GFRA1: variants seen among roughly 807,000 people sequenced by gnomAD.
The protein encoded by GFRA1 is GDNF family receptor alpha 1, also known as GDNF family receptor alpha-1.
GFRA1 carries 16 observed loss-of-function variants against 51.6 expected under a neutral mutation model. The ratio of observed to expected loss-of-function variants is 0.31; its 90% CI spans 0.21 to 0.47. GFRA1 has a LOEUF of 0.47. Among genes scored for constraint, GFRA1 ranks in the 20% least tolerant of loss-of-function variants. The pLI, the probability that GFRA1 is intolerant of heterozygous loss-of-function variation, is 1.00. For synonymous variants in GFRA1, 270 were observed against 241.3 expected (o/e 1.12, Z -1.10); for missense variants, 530 against 594.3 (o/e 0.89, Z 1.13).
chr10:116,081,483 A>G (rs1032635261), intron 9 of GFRA1, among the ~76,000 whole-genome samples: 4 of 152,226 alleles, frequency 2.6e-5, no homozygotes, highest in African/African-American at 9.6e-5. Context: ...TGGTTTCGGT[A>G]ATACAGTGTA....
chr10:116,115,920 AGAG>A (rs1957394655), intron 6 of GFRA1, among the ~76,000 whole-genome samples: 2 of 152,142 alleles, frequency 1.3e-5, no homozygotes, highest in South Asian at 2.1e-4. Context: ...ACAGAGCAGT[AGAG>A]GAGATCAGCT....
chr10:116,126,206 G>C (rs1957866948), intron 5 of GFRA1, among the ~76,000 whole-genome samples: 1 of 152,222 alleles, frequency 6.6e-6, no homozygotes, highest in Non-Finnish European at 1.5e-5. Flanking sequence ...ACTCACCACA[G>C]ACAACACGTG....
chr10:116,114,222 C>G (rs1957323941), intron 6 of GFRA1, among the ~76,000 whole-genome samples: 1 of 152,208 alleles, frequency 6.6e-6, no homozygotes, highest in Non-Finnish European at 1.5e-5. Context: ...GGCCAAGAGG[C>G]TGCCAGAGGG....
chr10:116,187,191 T>C (rs181679261), intron 5 of GFRA1, among the ~76,000 whole-genome samples: 3 of 152,292 alleles, frequency 2.0e-5, no homozygotes, highest in Admixed American at 2.0e-4. Flanking sequence ...CACCAAGTAG[T>C]CTAGAAAAAG....
intron 8 of GFRA1, among the ~76,000 whole-genome samples, chr10:116,092,997 C>G (rs1956416681): frequency 6.6e-6 from 1 of 152,210 alleles, no homozygotes. Flanking sequence ...CCATTTCTCT[C>G]TATCCCTGTC....
chr10:116,138,009 G>A (rs1180683379), intron 5 of GFRA1, among the ~76,000 whole-genome samples: 4 of 152,008 alleles, frequency 2.6e-5, no homozygotes, highest in Non-Finnish European at 5.9e-5. Flanking sequence ...CTCCACGTTG[G>A]TCAGGCTGGT....
Position 116,063,365 on chromosome 10 carries a change from C to T in GFRA1, c.*1033G>A, listed in dbSNP as rs917460554. On this transcript the variant is annotated 3_prime_UTR_variant, in exon 11 of 11. Transcript: ENST00000355422. ...CAGTCACATGATGCAGAACTTTCTG[C>T]TACAGCACGAGGCTTCTCAGAGTCT... 6.6e-6 allele frequency: 1 copy of T among 152,220 alleles called. No homozygotes were observed. Among genetic ancestry groups the T allele is most frequent in the Non-Finnish European group, 1.5e-5 (1 of 68,048 alleles). 9.4% of individuals were successfully genotyped at this position (152,220 alleles called of 1,614,324 possible).
chr10:116,061,647 C>T lies in GFRA1; in HGVS notation c.*2751G>A, dbSNP rs1954823816. Reference sequence around the variant, plus strand: ...TACTGTTTGGTTTCATCAAAATCAACTGCAATGAGATACTTCCTGCAAGAC... The same window carrying T: ...TACTGTTTGGTTTCATCAAAATCAATTGCAATGAGATACTTCCTGCAAGAC... On this transcript the variant is annotated 3_prime_UTR_variant, in exon 11 of 11. Transcript: ENST00000355422. 5.0e-6 allele frequency: 1 copy of T among 201,350 alleles called. No individual in the cohort carries two copies. Among genetic ancestry groups the T allele is most frequent in the African/African-American group, 2.3e-5 (1 of 43,674 alleles). 12.5% of individuals were successfully genotyped at this position (201,350 alleles called of 1,614,324 possible).
chr10:116,258,311 CTTCTT>C (rs1248193793), intron 4 of GFRA1, among the ~76,000 whole-genome samples: 1 of 149,134 alleles, frequency 6.7e-6, no homozygotes, highest in African/African-American at 2.5e-5. Flanking sequence ...AAACTTACCT[CTTCTT>C]CTCTTCATTC....
At chr10:116,071,592 G>C (rs138328046) in intron 9 of GFRA1, among the ~76,000 whole-genome samples, 15 of 152,286 alleles carry the variant, frequency 9.8e-5, no homozygotes, top group African/African-American at 3.1e-4. Context: ...TGACAGACAG[G>C]CTCCAGCAGT....
intron 4 of GFRA1, among the ~76,000 whole-genome samples, chr10:116,214,945 G>A (rs1965456891): frequency 6.6e-6 from 1 of 152,146 alleles, no homozygotes; most frequent in Non-Finnish European, 1.5e-5. Context: ...ACTCACAGTA[G>A]CTATTTTAGA....
Position 116,061,882 on chromosome 10 carries a change from C to T in GFRA1, c.*2516G>A. ...CTAAGATCACACTGAATGGCGGAAACCTTGCTTGGCTTGCTTTGATAAGAA... is the reference window on the plus strand; with the variant it reads ...CTAAGATCACACTGAATGGCGGAAATCTTGCTTGGCTTGCTTTGATAAGAA... On this transcript the variant is annotated 3_prime_UTR_variant, in exon 11 of 11. Transcript: ENST00000355422. The T allele has an allele frequency of 2.5e-6, 1 of 397,626 alleles. No homozygotes were observed. The highest frequency in any genetic ancestry group is 4.4e-6 in the Non-Finnish European group (1 of 225,798). 24.6% of individuals were successfully genotyped at this position (397,626 alleles called of 1,614,324 possible).
chr10:116,218,687 G>A (rs947771121), intron 4 of GFRA1, among the ~76,000 whole-genome samples: 1 of 152,134 alleles, frequency 6.6e-6, no homozygotes, highest in Non-Finnish European at 1.5e-5. Flanking sequence ...GCACAATAAG[G>A]TTGCTCAAAC....
chr10:116,220,770 TAAAC>T (rs1965867598), intron 4 of GFRA1, among the ~76,000 whole-genome samples: 2 of 152,154 alleles, frequency 1.3e-5, no homozygotes, highest in South Asian at 4.1e-4. Context: ...TGAAGGAACT[TAAAC>T]AAATCATTTA....
chr10:116,094,203 G>A (rs967627944), intron 7 of GFRA1, among the ~76,000 whole-genome samples: 1 of 152,094 alleles, frequency 6.6e-6, no homozygotes, highest in Non-Finnish European at 1.5e-5. Flanking sequence ...ATAGAGCCGG[G>A]TTTACATATC....
In GFRA1 at chr10:116,125,440, T is replaced by C. The variant is rs139984974; in HGVS notation, c.551A>G (p.Asn184Ser). ...YITPCTTSVS[N>S]DVCNRRKCHK... The stretch of plus-strand genomic sequence containing the variant: ...GCACTTGCGGCGGTTGCAGACATCG[T>C]TGGACACGCTGGTGGTGCACGGGGT... Residue 184 changes from asparagine to serine, a missense_variant, in exon 6 of 11, where the codon AAC (asparagine) becomes AGC (serine). Asn to Ser is a conservative substitution (Grantham distance 46). Coordinates refer to ENST00000355422, the MANE Select transcript of GFRA1 (RefSeq NM_005264.8). 236 of 1,613,940 alleles carry C rather than the reference T, an allele frequency of 1.5e-4. No homozygotes were observed. Among genetic ancestry groups the C allele is most frequent in the Admixed American group, 2.7e-4 (16 of 60,028 alleles).
At chr10:116,162,766 G>A (rs1959959860) in intron 5 of GFRA1, among the ~76,000 whole-genome samples, 1 of 152,106 alleles carries the variant, frequency 6.6e-6, no homozygotes, top group Admixed American at 6.5e-5. Flanking sequence ...TTAAAGGGTG[G>A]GTTCTATGGT....
intron 6 of GFRA1, among the ~76,000 whole-genome samples, chr10:116,112,434 A>T (rs1226339216): frequency 6.6e-6 from 1 of 152,174 alleles, no homozygotes; most frequent in African/African-American, 2.4e-5. Context: ...TACATATCAG[A>T]AAGAGCAGAG....
In GFRA1 at chr10:116,106,161, C is replaced by T. The variant is rs531267141; in HGVS notation, c.771-9397G>A. ...AGAAATGGATTCTCCTCTGCAGCCT[C>T]CAGAAAGAACTCAGCCCTGCTGACA... On this transcript the variant is annotated intron_variant, in intron 6 of 10. Coordinates refer to ENST00000355422, the MANE Select transcript of GFRA1 (RefSeq NM_005264.8). 2.6e-5 allele frequency among the ~76,000 whole-genome samples: 4 copies of T among 152,230 alleles called. No individual in the cohort carries two copies. In the South Asian group the frequency reaches 8.3e-4, roughly 32 times the overall value.
Sources: gnomAD v4.1 joint callset for allele counts (sites outside exome capture counted in the v4.1 genomes callset) on GRCh38, gnomAD v4.1.1 for gene constraint, MANE v1.5 for transcripts, NCBI Gene and HGNC (gene_info 2026-07-23, HGNC 2026-07-21) for gene names.